Variants in ST6GALNAC3 observed in about 807,000 individuals in gnomAD.
ST6GALNAC3 encodes the protein alpha-N-acetylgalactosaminide alpha-2,6-sialyltransferase 3.
In ST6GALNAC3, 25 loss-of-function variants were observed where a neutral mutation model predicts 32.7. The observed-to-expected ratio is 0.76, with a 90% CI of 0.56 to 1.07. The LOEUF (loss-of-function observed/expected upper bound fraction) is 1.07. Among genes scored for constraint, ST6GALNAC3 ranks in the 50% least tolerant of loss-of-function variants. The pLI is 0.00. For missense variants in ST6GALNAC3, 355 were observed against 382.4 expected (o/e 0.93, Z 0.60); for synonymous variants, 129 against 133.1 (o/e 0.97, Z 0.21).
At chr1:76,095,996 T>C (rs1052064892) in intron 1 of ST6GALNAC3, among the ~76,000 whole-genome samples, 2 of 152,166 alleles carry the variant, frequency 1.3e-5, no homozygotes, top group Non-Finnish European at 2.9e-5. Context: ...TTCCCTCACC[T>C]GTGGGGATGG....
chr1:76,411,870 G>T, intron 2 of ST6GALNAC3, 138 bp from the exon 3 acceptor site: 1 of 866,926 alleles, frequency 1.2e-6, no homozygotes, highest in Non-Finnish European at 1.7e-6. Flanking sequence ...AGCGACTGTA[G>T]GTTTGGTATT....
chr1:76,600,076 C>T (rs1647198949), intron 3 of ST6GALNAC3, among the ~76,000 whole-genome samples: 1 of 151,946 alleles, frequency 6.6e-6, no homozygotes, highest in African/African-American at 2.4e-5. Flanking sequence ...GGAAGTGAGG[C>T]CTTTGGGAGG....
Position 76,398,080 on chromosome 1 carries a change from C to T in ST6GALNAC3, c.214-13928C>T, listed in dbSNP as rs541225471. ...GGACATTCTTATTTTGGTTCCAGTC[C>T]TAGTAAGAATATGTCTAGTTAAGAG... On this transcript the variant is annotated intron_variant, in intron 2 of 4. Coordinates refer to ENST00000328299, the MANE Select transcript of ST6GALNAC3 (RefSeq NM_152996.4). Among the ~76,000 whole-genome samples the T allele has an allele frequency of 3.3e-5, 5 of 151,856 alleles. No homozygotes were observed. In the South Asian group the frequency reaches 1.0e-3, roughly 32 times the overall value.
intron 1 of ST6GALNAC3, among the ~76,000 whole-genome samples, chr1:76,251,706 C>T (rs1190276237): frequency 6.6e-6 from 1 of 152,108 alleles, no homozygotes; most frequent in Non-Finnish European, 1.5e-5. Flanking sequence ...TCTTTGTGCA[C>T]AAATTTTTCT....
At chr1:76,411,772 G>A (rs563042599) in intron 2 of ST6GALNAC3, among the ~76,000 whole-genome samples, 11 of 152,136 alleles carry the variant, frequency 7.2e-5, no homozygotes, top group Non-Finnish European at 1.2e-4. Flanking sequence ...AAACCAGGGC[G>A]TGGGGATTAT....
Position 76,411,759 on chromosome 1 carries a change from T to G in ST6GALNAC3, c.214-249T>G, listed in dbSNP as rs115595646. 3.3e-3 allele frequency among the ~76,000 whole-genome samples: 501 copies of G among 152,266 alleles called. 2 individuals carry two copies. The highest frequency in any genetic ancestry group is 0.012 in the African/African-American group (491 of 41,568). On this transcript the variant is annotated intron_variant, in intron 2 of 4. Transcript: ENST00000328299. ...CAAATAACTATTTTTTGCCTATAAT[T>G]TTAAACCAGGGCGTGGGGATTATAG...
intron 3 of ST6GALNAC3, among the ~76,000 whole-genome samples, chr1:76,571,810 T>G (rs1238564440): frequency 2.6e-5 from 4 of 152,066 alleles, no homozygotes; most frequent in Non-Finnish European, 5.9e-5. Context: ...TCCAATGGTT[T>G]GTAAGCTAGT....
At chr1:76,519,061 T>C (rs1371443611) in intron 3 of ST6GALNAC3, among the ~76,000 whole-genome samples, 2 of 152,122 alleles carry the variant, frequency 1.3e-5, no homozygotes, top group African/African-American at 4.8e-5. Flanking sequence ...AAATAAAATG[T>C]ATCACTTAGC....
At chr1:76,290,221 T>G (rs1165375459) in intron 1 of ST6GALNAC3, among the ~76,000 whole-genome samples, 10 of 152,248 alleles carry the variant, frequency 6.6e-5, no homozygotes, top group Admixed American at 6.5e-4. Flanking sequence ...TGTCCAGCAC[T>G]TGTTTCTATT....
At chr1:76,470,848 G>A (rs1208776231) in intron 3 of ST6GALNAC3, among the ~76,000 whole-genome samples, 1 of 151,972 alleles carries the variant, frequency 6.6e-6, no homozygotes, top group Non-Finnish European at 1.5e-5. Context: ...TTATGCTGAG[G>A]TGATTTTACC....
intron 3 of ST6GALNAC3, among the ~76,000 whole-genome samples, chr1:76,471,501 G>A (rs1243756410): frequency 6.6e-6 from 1 of 152,064 alleles, no homozygotes; most frequent in African/African-American, 2.4e-5. Flanking sequence ...AAGGCAATGA[G>A]TTACCTACCC....
At chr1:76,106,022 C>G (rs1407706508) in intron 1 of ST6GALNAC3, among the ~76,000 whole-genome samples, 1 of 152,212 alleles carries the variant, frequency 6.6e-6, no homozygotes, top group Non-Finnish European at 1.5e-5. Context: ...TTTATCATCA[C>G]TGTGACATTA....
At chr1:76,132,439 A>G (rs1327473015) in intron 1 of ST6GALNAC3, among the ~76,000 whole-genome samples, 2 of 152,076 alleles carry the variant, frequency 1.3e-5, no homozygotes, top group African/African-American at 4.8e-5. Context: ...CCTGTTCCTT[A>G]ATGGTCTGCA....
chr1:76,499,996 C>T (rs769231956), intron 3 of ST6GALNAC3, among the ~76,000 whole-genome samples: 7 of 151,894 alleles, frequency 4.6e-5, no homozygotes, highest in Admixed American at 4.6e-4. Flanking sequence ...AGAAAGTTAC[C>T]TAGAATACAA....
intron 1 of ST6GALNAC3, among the ~76,000 whole-genome samples, chr1:76,309,367 A>G (rs1275959808): frequency 6.6e-6 from 1 of 152,108 alleles, no homozygotes; most frequent in Non-Finnish European, 1.5e-5. Flanking sequence ...TGCATGATAT[A>G]CATGTGAGAC....
chr1:76,288,657 G>A (rs888398845), intron 1 of ST6GALNAC3, among the ~76,000 whole-genome samples: 1 of 152,150 alleles, frequency 6.6e-6, no homozygotes. Context: ...AAGAGGGCAG[G>A]ATGTGTGCTT....
chr1:76,209,630 T>A (rs1394609506), intron 1 of ST6GALNAC3, among the ~76,000 whole-genome samples: 1 of 152,198 alleles, frequency 6.6e-6, no homozygotes, highest in African/African-American at 2.4e-5. Flanking sequence ...TCGACGGGAA[T>A]CTTGAAGTGT....
intron 1 of ST6GALNAC3, among the ~76,000 whole-genome samples, chr1:76,199,227 C>A (rs990754398): frequency 6.6e-6 from 1 of 152,266 alleles, no homozygotes; most frequent in African/African-American, 2.4e-5. Context: ...TCTGGTATAA[C>A]CCAAATAGAA....
chr1:76,222,084 A>T, intron 1 of ST6GALNAC3, among the ~76,000 whole-genome samples: 1 of 152,030 alleles, frequency 6.6e-6, no homozygotes, highest in East Asian at 1.9e-4. Context: ...TTCCTTTTCC[A>T]TTTTTGATTG....
Sources: gnomAD v4.1 joint callset for allele counts (sites outside exome capture counted in the v4.1 genomes callset) on GRCh38, gnomAD v4.1.1 for gene constraint, MANE v1.5 for transcripts, NCBI Gene and HGNC (gene_info 2026-07-23, HGNC 2026-07-21) for gene names.